PLSCR2: variants seen among roughly 807,000 people sequenced by gnomAD.
PLSCR2 encodes the protein PL scramblase 2.
PLSCR2 carries 18 observed loss-of-function variants against 25.3 expected under a neutral mutation model. That is an observed-to-expected ratio of 0.71 (90% confidence interval 0.49 to 1.06). The LOEUF is 1.06. PLSCR2 is among the 50% of genes least tolerant of loss of function. The pLI is 0.00. For missense variants in PLSCR2, 243 were observed against 269.5 expected (o/e 0.90, Z 0.69); for synonymous variants, 88 against 87.3 (o/e 1.01, Z -0.04).
chr3:146,413,535 T>A (rs2038919905), intron 2 of PLSCR2, among the ~76,000 whole-genome samples: 1 of 152,210 alleles, frequency 6.6e-6, no homozygotes, highest in African/African-American at 2.4e-5. Context: ...TCATTATGCT[T>A]AAATTCTGCC....
Position 146,479,601 on chromosome 3 carries a change from C to A in PLSCR2, c.-293+16294G>T, listed in dbSNP as rs1175800097. Among the ~76,000 whole-genome samples, 8 of 152,224 alleles carry A rather than the reference C, an allele frequency of 5.3e-5. 1 individual carries two copies. The South Asian group carries it at 8.3e-4, about 16-fold the overall frequency. On this transcript the variant is annotated intron_variant, in intron 1 of 8. Transcript: ENST00000336685. ...ATTCATAAAGCAAGTCCTTAGAGAC[C>A]TACAAAGAGACTTAGACTCCCACAC... is the stretch of plus-strand genomic sequence containing the variant.
intron 1 of PLSCR2, among the ~76,000 whole-genome samples, chr3:146,474,329 A>C (rs2042215689): frequency 6.6e-6 from 1 of 152,268 alleles, no homozygotes; most frequent in African/African-American, 2.4e-5. Context: ...CACGGCACCA[A>C]GGGGGAAAAG....
intron 1 of PLSCR2, among the ~76,000 whole-genome samples, chr3:146,483,550 AG>A (rs2043236210): frequency 7.2e-6 from 1 of 138,480 alleles, no homozygotes; most frequent in Admixed American, 7.5e-5. Context: ...TCAAGGAAAA[AG>A]ATTCCCCGAG....
intron 2 of PLSCR2, among the ~76,000 whole-genome samples, chr3:146,419,614 C>G (rs932590426): frequency 1.3e-5 from 2 of 152,002 alleles, no homozygotes; most frequent in Non-Finnish European, 2.9e-5. Flanking sequence ...CGGCAGGACT[C>G]TATTCTTTCT....
exon 9 of PLSCR2, chr3:146,433,490 C>G (rs574266413): frequency 6.6e-6 from 1 of 152,194 alleles, no homozygotes; most frequent in African/African-American, 2.4e-5. Context: ...GTTATAGTTT[C>G]ATTTTGCCTA....
At chr3:146,392,125 A>T (rs933798280) in intron 3 of PLSCR2, among the ~76,000 whole-genome samples, 1 of 152,080 alleles carries the variant, frequency 6.6e-6, no homozygotes, top group East Asian at 1.9e-4. Context: ...GTATTTAGTA[A>T]GCCTCATACT....
At chr3:146,479,406 G>A (rs553882712) in intron 1 of PLSCR2, among the ~76,000 whole-genome samples, 183 of 152,184 alleles carry the variant, frequency 1.2e-3, no homozygotes, top group African/African-American at 4.2e-3. Context: ...GATCTACCAA[G>A]CAAATGAAAA....
chr3:146,463,661 TG>T (rs2041732274), upstream of PLSCR2, among the ~76,000 whole-genome samples: 1 of 152,130 alleles, frequency 6.6e-6, no homozygotes, highest in Admixed American at 6.5e-5. Context: ...ATTTTTATCT[TG>T]GACCCATGCA....
At chr3:146,406,512 T>C (rs958405229) in intron 2 of PLSCR2, among the ~76,000 whole-genome samples, 13 of 152,144 alleles carry the variant, frequency 8.5e-5, no homozygotes, top group African/African-American at 3.1e-4. Flanking sequence ...TGTAAATACA[T>C]GTCCTGTTGT....
chr3:146,398,777 A>G (rs2038362026), intron 2 of PLSCR2: 1 of 152,258 alleles, frequency 6.6e-6, no homozygotes. Flanking sequence ...GAAAGTATCG[A>G]TAAACATATC....
chr3:146,411,151 A>AAG (rs765276637), intron 2 of PLSCR2, among the ~76,000 whole-genome samples: 1 of 152,092 alleles, frequency 6.6e-6, no homozygotes, highest in South Asian at 2.1e-4. Flanking sequence ...AAGGGAGAGA[A>AAG]AGAGAGAGAG....
intron 1 of PLSCR2, among the ~76,000 whole-genome samples, chr3:146,473,613 A>G (rs919599411): frequency 2.0e-5 from 3 of 152,136 alleles, no homozygotes; most frequent in Non-Finnish European, 2.9e-5. Context: ...GCTGAAAAGT[A>G]CTATCTTAAA....
intron 2 of PLSCR2, chr3:146,401,558 G>T (rs760209259): frequency 1.3e-5 from 2 of 152,450 alleles, no homozygotes; most frequent in Non-Finnish European, 2.9e-5. Context: ...ATTTTCTGAG[G>T]ACTAGAGAAT....
At chr3:146,419,848 A>G (rs1312353890) in intron 2 of PLSCR2, among the ~76,000 whole-genome samples, 1 of 152,034 alleles carries the variant, frequency 6.6e-6, no homozygotes, top group Non-Finnish European at 1.5e-5. Flanking sequence ...AATACAAGAT[A>G]ATTTCTCCAT....
chr3:146,491,884 G>A (rs568721875), intron 1 of PLSCR2, among the ~76,000 whole-genome samples: 5 of 152,304 alleles, frequency 3.3e-5, no homozygotes, highest in Non-Finnish European at 7.4e-5. Context: ...TACTGCAGTT[G>A]ATTGGAGGTA....
In PLSCR2 at chr3:146,469,163, G is replaced by A. The variant is rs539474319; in HGVS notation, c.-292-8879C>T. 3.6e-5 allele frequency: 35 copies of A among 985,486 alleles called. No homozygotes were observed. In the South Asian group the frequency reaches 1.5e-3, roughly 41 times the overall value. 61.0% of individuals were successfully genotyped at this position (985,486 alleles called of 1,614,324 possible). On this transcript the variant is annotated intron_variant, in intron 1 of 8. Transcript: ENST00000336685. ...TCCCTTCTAATAGCCCCACTATGCT[G>A]GCACATGCTCCTGAGCCCAGACTCT...
chr3:146,455,559 T>C (rs1560021804), intron 3 of PLSCR2, 100 bp from the exon 4 acceptor site: 1 of 709,926 alleles, frequency 1.4e-6, no homozygotes, highest in Middle Eastern at 3.2e-4. Context: ...CCAAGTATCA[T>C]AGAAAGAACA....
rs202121042 is a variant in PLSCR2 at position 146,454,034 on chromosome 3, C to T, written c.451G>A (p.Val151Met). ...TCAACACCCGCAATACAGCTGCACA[C>T]GATACATGGACCACTAATTTTTAGT... Residue 151 changes from valine to methionine, a missense_variant, in exon 5 of 7, where the codon GTG (valine) becomes ATG (methionine). Val to Met is a conservative substitution (Grantham distance 21). Coordinates refer to ENST00000610787, the Ensembl canonical transcript of PLSCR2. 20 of 1,602,876 alleles carry T rather than the reference C, an allele frequency of 1.2e-5. No individual in the cohort carries two copies. Among genetic ancestry groups the T allele is most frequent in the South Asian group, 3.4e-5 (3 of 88,276 alleles).
At chr3:146,491,108 T>A (rs890830316) in intron 1 of PLSCR2, among the ~76,000 whole-genome samples, 1 of 152,130 alleles carries the variant, frequency 6.6e-6, no homozygotes, top group Non-Finnish European at 1.5e-5. Context: ...CATTTGAAGC[T>A]CAATTTGGGT....
Sources: gnomAD v4.1 joint callset for allele counts (sites outside exome capture counted in the v4.1 genomes callset) on GRCh38, gnomAD v4.1.1 for gene constraint, MANE v1.5 for transcripts, NCBI Gene and HGNC (gene_info 2026-07-23, HGNC 2026-07-21) for gene names.